The following POLN variants were observed in gnomAD, a reference collection of about 807,000 sequenced individuals.
The protein encoded by POLN is DNA polymerase N.
POLN carries 108 observed loss-of-function variants against 113.5 expected under a neutral mutation model. The ratio of observed to expected loss-of-function variants is 0.95; its 90% CI spans 0.81 to 1.12. The LOEUF (loss-of-function observed/expected upper bound fraction) is 1.12. Among genes scored for constraint, POLN ranks in the 50% most tolerant of loss-of-function variants. The pLI is 0.00. For synonymous variants in POLN, 386 were observed against 391.5 expected (o/e 0.99, Z 0.17); for missense variants, 1,097 against 1,077.1 (o/e 1.02, Z -0.26).
At chr4:2,143,208 C>T (rs1423254628) in intron 16 of POLN, among the ~76,000 whole-genome samples, 1 of 150,722 alleles carries the variant, frequency 6.6e-6, no homozygotes, top group Admixed American at 6.7e-5. Flanking sequence ...CCAAATCAAG[C>T]AGAAAAAGGA....
chr4:2,207,909 T>C (rs1733891616), intron 5 of POLN, 78 bp downstream of exon 5: 1 of 1,475,398 alleles, frequency 6.8e-7, no homozygotes, highest in Admixed American at 2.5e-5. Context: ...CTAGCTCTCC[T>C]ATCAAAATCT....
At chr4:2,110,774 G>T (rs1051392830) in intron 19 of POLN, among the ~76,000 whole-genome samples, 2 of 152,132 alleles carry the variant, frequency 1.3e-5, no homozygotes, top group African/African-American at 4.8e-5. Flanking sequence ...AAAAAGTCCA[G>T]GACCAGATGG....
intron 2 of POLN, chr4:2,231,913 G>C: frequency 9.4e-7 from 1 of 1,061,256 alleles, no homozygotes. Flanking sequence ...TAAAGATTCA[G>C]TTTTCAGTAA....
chr4:2,081,126 T>C, intron 22 of POLN, 90 bp from the exon 23 acceptor site: 1 of 1,605,826 alleles, frequency 6.2e-7, no homozygotes, highest in Non-Finnish European at 8.5e-7. Flanking sequence ...GCTCTCACGG[T>C]ACCTCCACAC....
chr4:2,144,512 GC>G (rs1252898026), intron 16 of POLN, among the ~76,000 whole-genome samples: 1 of 152,002 alleles, frequency 6.6e-6, no homozygotes, highest in Non-Finnish European at 1.5e-5. Context: ...TCAAAATCCT[GC>G]CACGTGCCAG....
intron 2 of POLN, chr4:2,231,803 G>A (rs1734587672): frequency 1.0e-5 from 6 of 598,224 alleles, no homozygotes; most frequent in Non-Finnish European, 1.8e-5. Flanking sequence ...TAATATAATA[G>A]TTCAATTCAT....
At chr4:2,073,297 CCCT>C (rs1730197103) in intron 24 of POLN, among the ~76,000 whole-genome samples, 1 of 152,228 alleles carries the variant, frequency 6.6e-6, no homozygotes, top group South Asian at 2.1e-4. Context: ...TCGCTGCAGC[CCCT>C]CCTCCTGGCC....
chr4:2,225,092 C>A (rs1212238421), intron 3 of POLN, among the ~76,000 whole-genome samples: 2 of 152,002 alleles, frequency 1.3e-5, no homozygotes, highest in Non-Finnish European at 2.9e-5. Context: ...AAACATCATT[C>A]ATTATGCAAC....
At chr4:2,079,792 C>G (rs935736775) in intron 23 of POLN, 10 of 878,668 alleles carry the variant, frequency 1.1e-5, no homozygotes, top group African/African-American at 3.6e-5. Flanking sequence ...ACCCTGTTGG[C>G]CAGGTTGGTC....
intron 11 of POLN, among the ~76,000 whole-genome samples, chr4:2,172,120 C>T (rs969248329): frequency 1.2e-4 from 19 of 152,178 alleles, no homozygotes; most frequent in Non-Finnish European, 2.5e-4. Context: ...ATCGATCCCA[C>T]TAATGTGAAA....
At chr4:2,108,001 C>T (rs1731107670) in intron 19 of POLN, among the ~76,000 whole-genome samples, 1 of 150,606 alleles carries the variant, frequency 6.6e-6, no homozygotes, top group African/African-American at 2.5e-5. Context: ...GCGCTTTGCA[C>T]CTTTGCTCCT....
At chr4:2,113,854 T>C (rs886210875) in intron 19 of POLN, among the ~76,000 whole-genome samples, 1 of 141,846 alleles carries the variant, frequency 7.0e-6, no homozygotes, top group South Asian at 2.2e-4. Context: ...CAAGACTCCA[T>C]TTCAAAATAA....
chr4:2,084,364 G>A (rs1390759848), intron 21 of POLN, among the ~76,000 whole-genome samples: 1 of 152,232 alleles, frequency 6.6e-6, no homozygotes, highest in Non-Finnish European at 1.5e-5. Context: ...TGAGATGGAG[G>A]CTGGCACAGC....
At chr4:2,110,236 A>G (rs1731158447) in intron 19 of POLN, among the ~76,000 whole-genome samples, 3 of 152,206 alleles carry the variant, frequency 2.0e-5, no homozygotes, top group African/African-American at 7.2e-5. Flanking sequence ...ACACATTCAA[A>G]GCAGTGTGTA....
chr4:2,096,686 AAGAGAGAGAGAGAGAGAGAGAGAGAGAG>A (rs750844060), intron 19 of POLN, among the ~76,000 whole-genome samples: 2 of 129,896 alleles, frequency 1.5e-5, no homozygotes, highest in Non-Finnish European at 3.2e-5. Flanking sequence ...AGCCGAGAGA[AAGAGAGAGAGAGAGAGAGAGAGAGAGAG>A]AGAGAGAGAG....
intron 3 of POLN, among the ~76,000 whole-genome samples, chr4:2,214,173 T>C (rs1577777853): frequency 6.6e-6 from 1 of 151,672 alleles, no homozygotes; most frequent in South Asian, 2.1e-4. Flanking sequence ...GAGGTGGAGG[T>C]TGCAGTGAGC....
At chr4:2,199,249 GA>G (rs1448294285) in intron 5 of POLN, among the ~76,000 whole-genome samples, 1 of 152,122 alleles carries the variant, frequency 6.6e-6, no homozygotes, top group African/African-American at 2.4e-5. Flanking sequence ...TATGTATGCT[GA>G]AAACTATAAA....
Position 2,127,730 on chromosome 4 carries a change from GGCCCACAGATGGGCTGGGGCGT to G in POLN, c.1982+361_1982+382del, listed in dbSNP as rs1479395222. 6.6e-6 allele frequency among the ~76,000 whole-genome samples: 1 copy of G among 152,242 alleles called. No homozygotes were observed. Among genetic ancestry groups the G allele is most frequent in the Non-Finnish European group, 1.5e-5 (1 of 68,046 alleles). ...TTCACCCGCAGCTCAAGAAGCCCCT[GGCCCACAGATGGGCTGGGGCGT>G]GAGTACGCAGCAAGCACCTTGGCTC... is the stretch of plus-strand genomic sequence containing the variant. On this transcript the variant is annotated intron_variant, in intron 19 of 25. Transcript: ENST00000511885. This position sits in a 1 kb window ranked among gnomAD's most constrained non-coding sequence, Gnocchi z 4.7.
intron 9 of POLN, among the ~76,000 whole-genome samples, chr4:2,175,760 T>C (rs1275041763): frequency 6.6e-6 from 1 of 152,190 alleles, no homozygotes; most frequent in Admixed American, 6.5e-5. Flanking sequence ...CCCGGGCCAC[T>C]CCTCTGCTCT....
Sources: allele counts gnomAD v4.1 joint callset (sites outside exome capture counted in the v4.1 genomes callset), GRCh38; gene constraint gnomAD v4.1.1; non-coding constraint Gnocchi (gnomAD v3.1); transcripts MANE v1.5; gene names NCBI Gene and HGNC (gene_info 2026-07-23, HGNC 2026-07-21).